The following ATP13A3 variants were observed in gnomAD, a reference collection of about 807,000 sequenced individuals.
The protein encoded by ATP13A3 is polyamine-transporting ATPase 13A3.
Under a neutral mutation model 158.1 loss-of-function variants are expected in ATP13A3, and 59 were observed. That is an observed-to-expected ratio of 0.37 (90% CI 0.30 to 0.46). ATP13A3 has a LOEUF of 0.46. Ranked by LOEUF, ATP13A3 falls within the 20% of genes least tolerant of loss-of-function variation. The pLI is 1.00. For missense variants in ATP13A3, 1,166 were observed against 1,525.2 expected (o/e 0.76, Z 3.92); for synonymous variants, 491 against 504.3 (o/e 0.97, Z 0.35).
Position 194,454,405 on chromosome 3 carries a change from A to G in ATP13A3, c.631-13T>C. ...ATGGGTTGAGAACCTAAAAAACAAG[A>G]TTTTAAAGTCAAACTGAATGAGGTA... is the stretch of plus-strand genomic sequence containing the variant. On this transcript the variant is annotated splice_polypyrimidine_tract_variant and intron_variant, in intron 8 of 33. Transcript: ENST00000645319. 1 of 1,604,164 alleles carries G rather than the reference A, an allele frequency of 6.2e-7. No individual in the cohort carries two copies. Among genetic ancestry groups the G allele is most frequent in the Non-Finnish European group, 8.5e-7 (1 of 1,173,048 alleles).
intron 33 of ATP13A3, among the ~76,000 whole-genome samples, chr3:194,409,818 T>C (rs1247056971): frequency 2.7e-5 from 4 of 148,598 alleles, no homozygotes; most frequent in East Asian, 2.0e-4. Context: ...TCACCTCCGA[T>C]TGAGAACCAC....
rs73889864 is a variant in ATP13A3, at chr3:194,416,033, G to A, written c.3403-2194C>T. ...TAGCAACCTAAATCCAAATTTCAAA[G>A]AGTGTGCATCATGACCAAACTGAAT... On this transcript the variant is annotated intron_variant, in intron 31 of 33. Transcript: ENST00000645319. 2.2e-3 allele frequency among the ~76,000 whole-genome samples: 337 copies of A among 152,278 alleles called. 2 individuals are homozygous for A. Among genetic ancestry groups the A allele is most frequent in the African/African-American group, 7.7e-3 (318 of 41,558 alleles).
chr3:194,453,592 CTCAATCAA>C (rs769242671), intron 10 of ATP13A3, 106 bp downstream of exon 10: 3 of 817,412 alleles, frequency 3.7e-6, no homozygotes, highest in South Asian at 1.8e-5. Context: ...GAGACACTGA[CTCAATCAA>C]TCAATCAATC....
chr3:194,430,465 C>T (rs894716302), intron 24 of ATP13A3, 150 bp from the exon 25 acceptor site: 20 of 888,570 alleles, frequency 2.3e-5, no homozygotes, highest in East Asian at 2.6e-5. Context: ...ATAATGAACA[C>T]AGGTGTGCTG....
Position 194,438,975 on chromosome 3 carries a change from G to GA in ATP13A3, c.1711-4_1711-3insT. Reference sequence around the variant, plus strand: ...TCTTCAGTTGCTTCTTCCAGAATCTGGAAAAAAAAAAGAGACAAAAAAAAA... The same window carrying GA: ...TCTTCAGTTGCTTCTTCCAGAATCTGAGAAAAAAAAAAGAGACAAAAAAAAA... On this transcript the variant is annotated splice_region_variant and splice_polypyrimidine_tract_variant and intron_variant, in intron 16 of 33. Transcript: ENST00000645319. 2.6e-6 allele frequency: 4 copies of GA among 1,544,922 alleles called. No homozygotes were observed. Among genetic ancestry groups the GA allele is most frequent in the Admixed American group, 2.0e-5 (1 of 50,024 alleles).
At chr3:194,465,752 C>T (rs913666918) in intron 2 of ATP13A3, among the ~76,000 whole-genome samples, 1 of 151,840 alleles carries the variant, frequency 6.6e-6, no homozygotes, top group Admixed American at 6.6e-5. Flanking sequence ...TCACCTGAGG[C>T]CAAAAGTTCA....
intron 15 of ATP13A3, among the ~76,000 whole-genome samples, chr3:194,443,038 T>TAAAAAAAAAAAAAAAAGAAAAAAAAAAA: frequency 7.1e-6 from 1 of 140,774 alleles, no homozygotes; most frequent in Non-Finnish European, 1.5e-5. Context: ...TGCTTTCACT[T>TAAAAAAAAAAAAAAAAGAAAAAAAAAAA]AAAAAAAAAA....
intron 29 of ATP13A3, 124 bp from the exon 30 acceptor site, chr3:194,425,653 A>G (rs902707733): frequency 1.2e-5 from 9 of 745,760 alleles, no homozygotes; most frequent in Non-Finnish European, 1.9e-5. Context: ...ATTTACAGCA[A>G]AAGGTCCAAC....
At chr3:194,415,661 C>CTTTTTTTTTTTTTTT (rs751005733) in intron 31 of ATP13A3, among the ~76,000 whole-genome samples, 8 of 90,928 alleles carry the variant, frequency 8.8e-5, no homozygotes, top group South Asian at 4.0e-4. Flanking sequence ...ATACCACATT[C>CTTTTTTTTTTTTTTT]TTTTTTTTTT....
At chr3:194,423,697 C>CA (rs940386576) in intron 30 of ATP13A3, among the ~76,000 whole-genome samples, 2 of 152,024 alleles carry the variant, frequency 1.3e-5, no homozygotes, top group Admixed American at 6.5e-5. Flanking sequence ...ATCCAGTGGC[C>CA]AAAAATAGTG....
intron 2 of ATP13A3, among the ~76,000 whole-genome samples, chr3:194,469,962 A>C (rs1156396108): frequency 6.6e-6 from 1 of 152,224 alleles, no homozygotes; most frequent in Non-Finnish European, 1.5e-5. Context: ...TACAAAAAGA[A>C]TTTTTAAAAA....
chr3:194,466,950 G>A (rs1012041080), intron 2 of ATP13A3, among the ~76,000 whole-genome samples: 1 of 152,346 alleles, frequency 6.6e-6, no homozygotes, highest in South Asian at 2.1e-4. Flanking sequence ...TGCCTCTGGG[G>A]CACTGACTCA....
chr3:194,439,929 TTC>T (rs1435238663), intron 16 of ATP13A3, among the ~76,000 whole-genome samples: 18 of 152,214 alleles, frequency 1.2e-4, no homozygotes, highest in Non-Finnish European at 2.1e-4. Context: ...ATTTTTGTTA[TTC>T]TCTCTATAAA....
chr3:194,488,852 T>C (rs1026492511), upstream of ATP13A3: 2 of 152,270 alleles, frequency 1.3e-5, no homozygotes, highest in African/African-American at 2.4e-5. This position sits in a 1 kb window ranked among gnomAD's most constrained non-coding sequence, Gnocchi z 4.1. Flanking sequence ...TGCATCCTCA[T>C]GGATGCAGCT....
At position 194,403,940 on chromosome 3, in the gene ATP13A3, C is replaced by T. The variant is rs1714773456; in HGVS notation, c.*1979G>A. 3.2e-6 allele frequency: 1 copy of T among 312,558 alleles called. No individual in the cohort carries two copies. Among genetic ancestry groups the T allele is most frequent in the African/African-American group, 2.3e-5 (1 of 44,394 alleles). 19.4% of individuals were successfully genotyped at this position (312,558 alleles called of 1,614,324 possible). A position where few individuals can be genotyped will look rare whatever the true frequency, so the allele number is the denominator to read the frequency against. On this transcript the variant is annotated 3_prime_UTR_variant, in exon 34 of 34. Coordinates refer to ENST00000645319, the MANE Select transcript of ATP13A3 (RefSeq NM_001367549.1). ...AGTGGGGGGGGGGTGTCAAAAATAG[C>T]TCTTTATGATCATGCTCTTAAAGAT...
intron 16 of ATP13A3, among the ~76,000 whole-genome samples, chr3:194,439,384 C>A (rs1447100075): frequency 6.6e-6 from 1 of 152,188 alleles, no homozygotes; most frequent in South Asian, 2.1e-4. Context: ...GTACATAGAG[C>A]TCAGATATGG....
intron 7 of ATP13A3, 25 bp from the exon 8 acceptor site, chr3:194,455,987 G>C: frequency 2.2e-6 from 3 of 1,346,810 alleles, no homozygotes; most frequent in Non-Finnish European, 3.1e-6. Context: ...TACATTCATA[G>C]TATTACATTA....
intron 2 of ATP13A3, among the ~76,000 whole-genome samples, chr3:194,469,597 C>T (rs955803752): frequency 7.9e-5 from 12 of 152,136 alleles, no homozygotes; most frequent in Admixed American, 7.9e-4. Flanking sequence ...ATTTCTGTGA[C>T]ACCTTGTATT....
chr3:194,435,719 C>T (rs533709996), intron 20 of ATP13A3, among the ~76,000 whole-genome samples: 22 of 152,142 alleles, frequency 1.4e-4, no homozygotes, highest in East Asian at 1.2e-3. Context: ...CCAGCCTGGC[C>T]AACATAGTGA....
Sources: allele counts gnomAD v4.1 joint callset (sites outside exome capture counted in the v4.1 genomes callset), GRCh38; gene constraint gnomAD v4.1.1; non-coding constraint Gnocchi (gnomAD v3.1); transcripts MANE v1.5; gene names NCBI Gene and HGNC (gene_info 2026-07-23, HGNC 2026-07-21).